The following CYFIP2 variants were observed in gnomAD, a reference collection of about 807,000 sequenced individuals.
The protein encoded by CYFIP2 is cytoplasmic FMR1-interacting protein 2.
A neutral mutation model predicts 158.7 loss-of-function variants in CYFIP2; 29 were observed. The ratio of observed to expected loss-of-function variants is 0.18; its 90% CI spans 0.14 to 0.25. The LOEUF is 0.25. CYFIP2 is among the 10% of genes least tolerant of loss of function. The pLI is 1.00. For missense variants in CYFIP2, 852 were observed against 1,639.5 expected (o/e 0.52, Z 8.29); for synonymous variants, 585 against 617.6 (o/e 0.95, Z 0.78).
chr5:157,339,546 A>G (rs1762093205), intron 22 of CYFIP2, among the ~76,000 whole-genome samples: 1 of 152,248 alleles, frequency 6.6e-6, no homozygotes, highest in Admixed American at 6.5e-5. Context: ...GGGGCATGCC[A>G]TGGTGAGCAG....
At chr5:157,272,665 A>T (rs542017292) in intron 1 of CYFIP2, among the ~76,000 whole-genome samples, 37 of 151,776 alleles carry the variant, frequency 2.4e-4, no homozygotes, top group Non-Finnish European at 5.2e-4. Flanking sequence ...TTCTTACACC[A>T]TCTCCCTCCC....
chr5:157,284,347 C>T (rs529946120), intron 1 of CYFIP2, among the ~76,000 whole-genome samples: 1 of 152,232 alleles, frequency 6.6e-6, no homozygotes, highest in African/African-American at 2.4e-5. Context: ...TTATGAATGA[C>T]CTTGAAGTAT....
intron 21 of CYFIP2, among the ~76,000 whole-genome samples, chr5:157,334,397 A>G (rs1356365478): frequency 6.6e-6 from 1 of 152,200 alleles, no homozygotes; most frequent in Non-Finnish European, 1.5e-5. Context: ...TAAAATGTTC[A>G]ATTTTATGTA....
intron 5 of CYFIP2, 32 bp from the exon 6 acceptor site, chr5:157,300,683 G>A: frequency 6.6e-7 from 1 of 1,504,630 alleles, no homozygotes. Flanking sequence ...AGGGAGCACA[G>A]TGGACCTTAC....
chr5:157,348,599 A>T (rs1185113373), intron 23 of CYFIP2, among the ~76,000 whole-genome samples: 1 of 152,068 alleles, frequency 6.6e-6, no homozygotes, highest in African/African-American at 2.4e-5. Context: ...TTTAGTAGAG[A>T]CGGAGTTTCA....
intron 23 of CYFIP2, among the ~76,000 whole-genome samples, chr5:157,355,095 A>G (rs1370319287): frequency 6.6e-6 from 1 of 152,140 alleles, no homozygotes; most frequent in Non-Finnish European, 1.5e-5. Context: ...GAGGAACTCC[A>G]CCCAGTACAA....
intron 7 of CYFIP2, among the ~76,000 whole-genome samples, chr5:157,303,384 C>G (rs181796464): frequency 8.5e-5 from 13 of 152,320 alleles, no homozygotes; most frequent in African/African-American, 3.1e-4. Flanking sequence ...GAAGACATAG[C>G]TGTTATTGCT....
chr5:157,385,810 A>G (rs1482503550), intron 28 of CYFIP2, among the ~76,000 whole-genome samples: 2 of 152,286 alleles, frequency 1.3e-5, no homozygotes, highest in South Asian at 2.1e-4. Context: ...AAAGTTATAG[A>G]GAAGGAATAT....
chr5:157,283,376 TA>T (rs1182206968), intron 1 of CYFIP2, among the ~76,000 whole-genome samples: 4 of 152,184 alleles, frequency 2.6e-5, no homozygotes, highest in African/African-American at 7.2e-5. Flanking sequence ...TTATGCCCAG[TA>T]AAATCATTAC....
intron 5 of CYFIP2, among the ~76,000 whole-genome samples, chr5:157,297,688 G>A (rs1232632251): frequency 4.6e-5 from 7 of 152,196 alleles, no homozygotes; most frequent in Non-Finnish European, 4.4e-5. Context: ...GAATAATTTA[G>A]AACTGTGCTG....
intron 29 of CYFIP2, among the ~76,000 whole-genome samples, chr5:157,390,173 A>G (rs1265252418): frequency 6.6e-6 from 1 of 152,180 alleles, no homozygotes; most frequent in Non-Finnish European, 1.5e-5. Context: ...TAGAGAGTCA[A>G]GACAGATTCT....
At chr5:157,358,722 G>A (rs1037815343) in intron 23 of CYFIP2, among the ~76,000 whole-genome samples, 10 of 152,164 alleles carry the variant, frequency 6.6e-5, no homozygotes, top group African/African-American at 1.4e-4. Flanking sequence ...GGTGTGGAAC[G>A]TCATGGGTGG....
chr5:157,394,270 T>A lies in CYFIP2; in HGVS notation c.*1270T>A, dbSNP rs1019201383. On this transcript the variant is annotated 3_prime_UTR_variant, in exon 31 of 31. Transcript: ENST00000620254. ...GTGGTAAGAAGGAAGGACAAAAGGC[T>A]TTAGGATATAAATTTCATGTTACAG... The A allele has an allele frequency of 6.6e-6, 1 of 152,156 alleles. No homozygotes were observed. Among genetic ancestry groups the A allele is most frequent in the Non-Finnish European group, 1.5e-5 (1 of 68,024 alleles). The allele number at this position is 152,156 out of a possible 1,614,324, so 9.4% of individuals were successfully genotyped here. A position where few individuals can be genotyped will look rare whatever the true frequency, so the allele number is the denominator to read the frequency against.
Position 157,318,296 on chromosome 5 carries a change from A to G in CYFIP2, c.1357-1466A>G, listed in dbSNP as rs151254669. Among the ~76,000 whole-genome samples the G allele has an allele frequency of 8.5e-5, 13 of 152,296 alleles. No individual in the cohort carries two copies. The East Asian group carries it at 2.3e-3, about 27-fold the overall frequency. On this transcript the variant is annotated intron_variant, in intron 13 of 30. Transcript: ENST00000620254. ...CAGCTAAGAAATCTTTGCCTTGTCTAGAGTTGTAAAGATTTTTCCTTTAGA... is the reference window on the plus strand; with the variant it reads ...CAGCTAAGAAATCTTTGCCTTGTCTGGAGTTGTAAAGATTTTTCCTTTAGA...
At chr5:157,385,677 C>T (rs1766606671) in intron 28 of CYFIP2, among the ~76,000 whole-genome samples, 2 of 152,044 alleles carry the variant, frequency 1.3e-5, no homozygotes, top group Admixed American at 1.3e-4. Context: ...ATTTTACCAT[C>T]TATGTAATGG....
chr5:157,273,168 G>A (rs1458116239), intron 1 of CYFIP2, among the ~76,000 whole-genome samples: 1 of 152,100 alleles, frequency 6.6e-6, no homozygotes, highest in Non-Finnish European at 1.5e-5. Context: ...GCCTGGCCCT[G>A]TCCTTTTCTT....
chr5:157,324,174 GT>G, intron 16 of CYFIP2, 100 bp downstream of exon 16: 4 of 1,370,042 alleles, frequency 2.9e-6, no homozygotes, highest in Non-Finnish European at 3.9e-6. Context: ...GGACGTGACC[GT>G]TGACCCTAAG....
In CYFIP2 at chr5:157,361,481, C is replaced by T. The variant is rs1400579770; in HGVS notation, c.2922C>T (p.Phe974=). The T allele has an allele frequency of 6.2e-7, 1 of 1,614,066 alleles. No individual in the cohort carries two copies. The highest frequency in any genetic ancestry group is 8.5e-7 in the Non-Finnish European group (1 of 1,180,002). Residue 974 remains phenylalanine, a synonymous_variant, in exon 26 of 31, where the codon TTC becomes TTT. Transcript: ENST00000620254. This position sits in a 1 kb window ranked among gnomAD's most constrained non-coding sequence, Gnocchi z 4.4. ...HEYGSPGILE[F]FHHQLKDIIE... ...TTCACCTCCCAGGGATCCTGGAGTT[C>T]TTCCACCACCAGCTGAAGGACATCA... is the stretch of plus-strand genomic sequence containing the variant.
Position 157,294,765 on chromosome 5 carries a change from G to C in CYFIP2, c.208-18G>C. 1 of 1,612,484 alleles carries C rather than the reference G, an allele frequency of 6.2e-7. No individual in the cohort carries two copies. The stretch of plus-strand genomic sequence containing the variant: ...ACCCGTCTTGTTCCTCCCTGCTGAG[G>C]CTGTTTTACCATTTCAGAATGAGAT... On this transcript the variant is annotated intron_variant, in intron 3 of 30. Transcript: ENST00000620254.
Sources: allele counts gnomAD v4.1 joint callset (sites outside exome capture counted in the v4.1 genomes callset), GRCh38; gene constraint gnomAD v4.1.1; non-coding constraint Gnocchi (gnomAD v3.1); transcripts MANE v1.5; gene names NCBI Gene and HGNC (gene_info 2026-07-23, HGNC 2026-07-21).